Variants in PRDM2 observed in about 807,000 individuals in gnomAD.
PRDM2 encodes PR domain zinc finger protein 2.
PRDM2 carries 30 observed loss-of-function variants against 130.0 expected under a neutral mutation model. The ratio of observed to expected loss-of-function variants is 0.23; its 90% CI spans 0.17 to 0.31. PRDM2 has a LOEUF of 0.31. PRDM2 is among the 10% of genes least tolerant of loss of function. The pLI is 1.00. For missense variants in PRDM2, 2,011 were observed against 2,108.4 expected, an observed-to-expected ratio of 0.95 and a Z score of 0.90; for synonymous variants, 871 against 782.4, an observed-to-expected ratio of 1.11 and a Z score of -1.89.
chr1:13,792,048 T>C (rs1347606003), intron 8 of PRDM2, among the ~76,000 whole-genome samples: 2 of 152,146 alleles, frequency 1.3e-5, no homozygotes, highest in African/African-American at 4.8e-5. Flanking sequence ...CCTGAGTTAC[T>C]CAGTGAGGGG....
intron 9 of PRDM2, among the ~76,000 whole-genome samples, chr1:13,820,876 GC>G (rs1304271110): frequency 6.6e-6 from 1 of 151,968 alleles, no homozygotes; most frequent in East Asian, 1.9e-4. Context: ...AGGGAATACA[GC>G]CACTCCATAG....
intron 6 of PRDM2, among the ~76,000 whole-genome samples, chr1:13,755,211 A>G (rs1643919368): frequency 6.6e-6 from 1 of 152,116 alleles, no homozygotes; most frequent in Non-Finnish European, 1.5e-5. Flanking sequence ...TGTGCCTTTG[A>G]TTCTTATGTC....
chr1:13,742,283 C>T, intron 5 of PRDM2, 126 bp downstream of exon 5: 5 of 1,083,672 alleles, frequency 4.6e-6, no homozygotes, highest in Non-Finnish European at 6.6e-6. Flanking sequence ...TCACTGCAGC[C>T]TAAGCCTCCC....
chr1:13,716,375 C>T (rs1642537872), intron 2 of PRDM2, among the ~76,000 whole-genome samples: 1 of 151,610 alleles, frequency 6.6e-6, no homozygotes, highest in Non-Finnish European at 1.5e-5. Flanking sequence ...GGGTGCAGCA[C>T]ACCAGCATGG....
In PRDM2 at chr1:13,823,459, C is replaced by T; in HGVS notation, c.*324C>T. The T allele has an allele frequency of 2.0e-6, 1 of 498,052 alleles. No homozygotes were observed. The highest frequency in any genetic ancestry group is 3.6e-6 in the Non-Finnish European group (1 of 279,212). The allele number at this position is 498,052 out of a possible 1,614,324, so 30.9% of individuals were successfully genotyped here. A position where few individuals can be genotyped will look rare whatever the true frequency, so the allele number is the denominator to read the frequency against. On this transcript the variant is annotated 3_prime_UTR_variant, in exon 10 of 10. Transcript: ENST00000311066. ...CCCAGCCTTCCTGTTGGGGTGGGGC[C>T]TCTCCTACTATGCAATTTTTCAAGA...
At position 13,715,539 on chromosome 1, in the gene PRDM2, AG is replaced by A; in HGVS notation, c.-64del. Reference sequence around the variant, plus strand: ...ATTACAATTGTCTGTTTTTCTTTTTAGGGTTCATGTAATCAAAGAAGTTTCT... The same window carrying A: ...ATTACAATTGTCTGTTTTTCTTTTTAGGTTCATGTAATCAAAGAAGTTTCT... On this transcript the variant is annotated splice_acceptor_variant, in intron 1 of 9. Coordinates refer to ENST00000311066, the MANE Select transcript of PRDM2 (RefSeq NM_001393986.1). LOFTEE classifies it low-confidence loss of function (5UTR_SPLICE). The A allele has an allele frequency of 7.2e-7, 1 of 1,397,616 alleles. No homozygotes were observed. The highest frequency in any genetic ancestry group is 2.5e-5 in the East Asian group (1 of 39,944). The allele number at this position is 1,397,616 out of a possible 1,614,324, so 86.6% of individuals were successfully genotyped here.
Position 13,788,356 on chromosome 1 carries a change from T to G in PRDM2, c.5036+5525T>G, listed in dbSNP as rs1264273316. 3.3e-5 allele frequency among the ~76,000 whole-genome samples: 5 copies of G among 152,224 alleles called. No homozygotes were observed. The East Asian group carries it at 9.6e-4, about 29-fold the overall frequency. On this transcript the variant is annotated intron_variant, in intron 8 of 9. Coordinates refer to ENST00000311066, the MANE Select transcript of PRDM2 (RefSeq NM_001393986.1). ...AAGAGTAAAATACAAAATAATTTCA[T>G]CTGTGGGGTCTCTGTGCTTCCTAAA... is the stretch of plus-strand genomic sequence containing the variant.
Position 13,745,459 on chromosome 1 carries a change from C to T in PRDM2, c.384+3302C>T, listed in dbSNP as rs183476223. Among the ~76,000 whole-genome samples the T allele has an allele frequency of 9.4e-5, 14 of 148,730 alleles. No homozygotes were observed. In the East Asian group the frequency reaches 2.4e-3, roughly 25 times the overall value. ...TTTTTTTTTGAGACAGAGTTGTGCTCTGTCGCCCAGGCTGGAGTGCAATGG... is the reference window on the plus strand; with the variant it reads ...TTTTTTTTTGAGACAGAGTTGTGCTTTGTCGCCCAGGCTGGAGTGCAATGG... On this transcript the variant is annotated intron_variant, in intron 5 of 9. Coordinates refer to ENST00000311066, the MANE Select transcript of PRDM2 (RefSeq NM_001393986.1).
intron 7 of PRDM2, among the ~76,000 whole-genome samples, chr1:13,777,631 T>TCC (rs200177440): frequency 6.9e-3 from 38 of 5,512 alleles, no homozygotes; most frequent in Admixed American, 8.0e-3. Flanking sequence ...GGGCTCCTCC[T>TCC]CCCACCCCCC....
At position 13,779,991 on chromosome 1, in the gene PRDM2, G is replaced by A. The variant is rs1644570899; in HGVS notation, c.2196G>A (p.Arg732=). Residue 732 remains arginine, a synonymous_variant, in exon 8 of 10, where the codon AGG becomes AGA. Coordinates refer to ENST00000311066, the MANE Select transcript of PRDM2 (RefSeq NM_001393986.1). The surrounding 1 kb of genome is among the most constrained non-coding windows in gnomAD (Gnocchi z 4.9). ...PASMLPVTSS[R]FKRRTSSPPS... is the part of the protein sequence containing the mutation. Reference sequence around the variant, plus strand: ...CAATGTTGCCTGTGACCTCAAGTAGGTTTAAGAGGCGGACCAGCTCTCCTC... The same window carrying A: ...CAATGTTGCCTGTGACCTCAAGTAGATTTAAGAGGCGGACCAGCTCTCCTC... 1 of 1,614,212 alleles carries A rather than the reference G, an allele frequency of 6.2e-7. No homozygotes were observed. The highest frequency in any genetic ancestry group is 1.3e-5 in the African/African-American group (1 of 75,060).
intron 6 of PRDM2, among the ~76,000 whole-genome samples, chr1:13,762,728 C>T (rs1644128605): frequency 6.6e-6 from 1 of 152,228 alleles, no homozygotes; most frequent in Admixed American, 6.5e-5. Flanking sequence ...ATTCTCAGTG[C>T]CAGAGCCTGT....
chr1:13,765,779 C>G (rs957440154), intron 6 of PRDM2, among the ~76,000 whole-genome samples: 8 of 152,136 alleles, frequency 5.3e-5, no homozygotes, highest in Non-Finnish European at 1.0e-4. Flanking sequence ...CTTGGCCATT[C>G]TTAAGATAAC....
intron 1 of PRDM2, among the ~76,000 whole-genome samples, chr1:13,710,704 A>G (rs1173620900): frequency 6.6e-6 from 1 of 152,212 alleles, no homozygotes; most frequent in East Asian, 1.9e-4. Context: ...ACTAAGGCAT[A>G]AGCCAAGGTC....
intron 1 of PRDM2, among the ~76,000 whole-genome samples, chr1:13,712,587 T>C (rs1342437189): frequency 6.6e-6 from 1 of 152,058 alleles, no homozygotes; most frequent in Non-Finnish European, 1.5e-5. Flanking sequence ...AAACTCCGTC[T>C]CTACTAAAAA....
In PRDM2 at chr1:13,812,360, A is replaced by G. The variant is rs191108684; in HGVS notation, c.5037-4067A>G. 3.0e-3 allele frequency among the ~76,000 whole-genome samples: 455 copies of G among 152,284 alleles called. 5 individuals are homozygous for G. The highest frequency in any genetic ancestry group is 0.011 in the African/African-American group (438 of 41,554). ...GGGGTCTCACAGGCCCCATGATCAC[A>G]GCACACTGCTCGATGGTGTGCCTGC... On this transcript the variant is annotated intron_variant, in intron 8 of 9. Coordinates refer to ENST00000311066, the MANE Select transcript of PRDM2 (RefSeq NM_001393986.1).
chr1:13,724,069 T>C (rs2495050), intron 2 of PRDM2, among the ~76,000 whole-genome samples: 6,620 of 152,266 alleles, frequency 0.043, 253 homozygotes, highest in African/African-American at 0.097. Context: ...GGGGACTAGC[T>C]TCTAGGAGGC....
At chr1:13,715,508 G>A in intron 1 of PRDM2, 33 bp from the exon 2 acceptor site, 3 of 1,052,818 alleles carry the variant, frequency 2.8e-6, no homozygotes, top group Non-Finnish European at 2.7e-6. Flanking sequence ...TTGTAGGCAG[G>A]TACATATTAC....
Position 13,778,752 on chromosome 1 carries a change from AT to A in PRDM2, c.959del (p.Leu320Ter). 1 of 1,614,186 alleles carries A rather than the reference AT, an allele frequency of 6.2e-7. No homozygotes were observed. The highest frequency in any genetic ancestry group is 8.5e-7 in the Non-Finnish European group (1 of 1,180,040). ...GGTGTGATGAGAAGCCAGAAGATTT[AT>A]TAGAGGAACCAAAAACAACTTCAGA... ...IRCDEKPEDLLEEPKTTSEET... is the reference protein window; with the variant it reads ...IRCDEKPEDLXEEPKTTSEET... On this transcript the variant is annotated frameshift_variant, in exon 8 of 10. Coordinates refer to ENST00000311066, the MANE Select transcript of PRDM2 (RefSeq NM_001393986.1). LOFTEE classifies it high-confidence loss of function.
intron 9 of PRDM2, among the ~76,000 whole-genome samples, chr1:13,818,880 C>A (rs184092861): frequency 2.0e-4 from 30 of 152,174 alleles, no homozygotes; most frequent in South Asian, 1.7e-3. Context: ...GCTGGAGTCT[C>A]ATGGAACAAT....
Sources: gnomAD v4.1 joint callset for allele counts (sites outside exome capture counted in the v4.1 genomes callset) on GRCh38, gnomAD v4.1.1 for gene constraint, Gnocchi (gnomAD v3.1) non-coding constraint, MANE v1.5 for transcripts, NCBI Gene and HGNC (gene_info 2026-07-23, HGNC 2026-07-21) for gene names.